ASTN1: variants seen among roughly 807,000 people sequenced by gnomAD.
ASTN1 encodes the protein astrotactin-1.
ASTN1 carries 41 observed loss-of-function variants against 140.7 expected under a neutral mutation model. The ratio of observed to expected loss-of-function variants is 0.29; its 90% CI spans 0.23 to 0.38. ASTN1 has a LOEUF of 0.38. ASTN1 is among the 10% of genes least tolerant of loss of function. The probability of loss-of-function intolerance (pLI) is 1.00; values close to 1 mark genes in which losing one functional copy is unlikely to be tolerated. For missense variants in ASTN1, 1,479 were observed against 1,678.8 expected, an observed-to-expected ratio of 0.88 and a Z score of 2.08; for synonymous variants, 640 against 652.2, an observed-to-expected ratio of 0.98 and a Z score of 0.29.
intron 1 of ASTN1, among the ~76,000 whole-genome samples, chr1:177,094,102 C>T (rs1032505133): frequency 2.0e-5 from 3 of 152,164 alleles, no homozygotes; most frequent in African/African-American, 7.2e-5. Flanking sequence ...CAAATGATCA[C>T]CATTGTCATT....
intron 7 of ASTN1, among the ~76,000 whole-genome samples, chr1:177,016,337 C>T (rs1201650412): frequency 6.8e-6 from 1 of 146,488 alleles, no homozygotes; most frequent in Non-Finnish European, 1.5e-5. Context: ...AAAAAGCCCA[C>T]AGGGAGTATT....
At chr1:177,046,186 G>GCAC (rs1446228051) in intron 2 of ASTN1, among the ~76,000 whole-genome samples, 16 of 152,214 alleles carry the variant, frequency 1.1e-4, no homozygotes, top group African/African-American at 3.6e-4. Context: ...CACACTGAAG[G>GCAC]CTCAGTGTTC....
At chr1:177,141,646 A>C (rs916781953) in intron 1 of ASTN1, among the ~76,000 whole-genome samples, 70 of 152,298 alleles carry the variant, frequency 4.6e-4, no homozygotes, top group African/African-American at 1.6e-3. Flanking sequence ...GTTTAAAAGA[A>C]TGTTAAGCAA....
chr1:176,946,259 T>A, intron 12 of ASTN1, 139 bp from the exon 13 acceptor site: 1 of 867,346 alleles, frequency 1.2e-6, no homozygotes, highest in African/African-American at 1.7e-5. Context: ...TATATTCCAA[T>A]TTGATTTTGA....
intron 1 of ASTN1, among the ~76,000 whole-genome samples, chr1:177,113,516 C>T (rs982126060): frequency 6.6e-6 from 1 of 152,224 alleles, no homozygotes; most frequent in Non-Finnish European, 1.5e-5. Flanking sequence ...TCCACTACCA[C>T]CTTGTTTCCT....
intron 1 of ASTN1, among the ~76,000 whole-genome samples, chr1:177,081,589 G>A (rs79239137): frequency 0.049 from 7,396 of 152,210 alleles, 249 homozygotes; most frequent in South Asian, 0.13. Context: ...GCAGGGTGTG[G>A]GTGGCAAGGG....
At chr1:177,163,595 AAAGG>A (rs1463826880) in intron 1 of ASTN1, among the ~76,000 whole-genome samples, 1 of 152,202 alleles carries the variant, frequency 6.6e-6, no homozygotes, top group African/African-American at 2.4e-5. Flanking sequence ...GTAAACAAAC[AAAGG>A]AAGGAAGAGC....
At chr1:176,896,292 A>G (rs1669502450) in intron 16 of ASTN1, among the ~76,000 whole-genome samples, 1 of 152,200 alleles carries the variant, frequency 6.6e-6, no homozygotes, top group African/African-American at 2.4e-5. Flanking sequence ...TTAATAATCG[A>G]CCCAGAGCCA....
At chr1:177,066,758 A>G (rs1009908562) in intron 1 of ASTN1, among the ~76,000 whole-genome samples, 2 of 152,168 alleles carry the variant, frequency 1.3e-5, no homozygotes, top group Admixed American at 1.3e-4. Context: ...TTTAACCTGG[A>G]AAATTGTCAA....
intron 14 of ASTN1, among the ~76,000 whole-genome samples, chr1:176,938,983 G>T (rs1671568929): frequency 6.6e-6 from 1 of 151,910 alleles, no homozygotes; most frequent in Admixed American, 6.6e-5. Context: ...AAACAGCTGG[G>T]TGCCTGTAGT....
At chr1:177,125,192 TAG>T (rs1334792195) in intron 1 of ASTN1, among the ~76,000 whole-genome samples, 3 of 152,168 alleles carry the variant, frequency 2.0e-5, no homozygotes, top group Admixed American at 1.3e-4. Context: ...ATGAAGTAGT[TAG>T]AGATTTTACG....
chr1:177,083,899 CG>C (rs758182627), intron 1 of ASTN1, among the ~76,000 whole-genome samples: 4 of 152,302 alleles, frequency 2.6e-5, no homozygotes, highest in African/African-American at 4.8e-5. Flanking sequence ...TAGGGATAGA[CG>C]TTCTACATCC....
chr1:176,907,382 GAAAC>G (rs1670049012), intron 16 of ASTN1, among the ~76,000 whole-genome samples: 1 of 152,130 alleles, frequency 6.6e-6, no homozygotes, highest in Non-Finnish European at 1.5e-5. Context: ...TTGGTAAAAA[GAAAC>G]AACTCCATTG....
chr1:176,966,922 T>C (rs1331364333), intron 8 of ASTN1, among the ~76,000 whole-genome samples: 3 of 152,232 alleles, frequency 2.0e-5, no homozygotes, highest in Admixed American at 1.3e-4. Flanking sequence ...ATACAGGTTT[T>C]ATTATTTATA....
At position 176,977,847 on chromosome 1, in the gene ASTN1, T is replaced by C. The variant is rs760693; in HGVS notation, c.1524-12610A>G. On this transcript the variant is annotated intron_variant, in intron 8 of 22. Transcript: ENST00000361833. ...GGCAAAGACGTCTGTGAGTTATCAG[T>C]ACCCACTCCTGCAGAAGAACTAAGG... Among the ~76,000 whole-genome samples the C allele has an allele frequency of 8.3e-3, 1,267 of 152,302 alleles. 13 individuals carry two copies. Among genetic ancestry groups the C allele is most frequent in the African/African-American group, 0.028 (1,179 of 41,566 alleles).
intron 8 of ASTN1, among the ~76,000 whole-genome samples, chr1:177,011,827 CA>C (rs199813079): frequency 2.7e-5 from 4 of 149,074 alleles, no homozygotes; most frequent in Admixed American, 6.7e-5. Flanking sequence ...TCCTCCACCT[CA>C]AAAAAAAAAT....
chr1:177,041,070 G>A (rs1410031778), intron 2 of ASTN1, among the ~76,000 whole-genome samples: 2 of 152,130 alleles, frequency 1.3e-5, no homozygotes, highest in East Asian at 3.9e-4. Flanking sequence ...TTGCCTTAAC[G>A]AGAATGTTAA....
Position 176,957,752 on chromosome 1 carries a change from T to C in ASTN1, c.1813A>G (p.Ser605Gly). The change falls in exon 11 of 23, where the codon AGC becomes GGC. Residue 605 changes from serine to glycine, a missense_variant. Ser to Gly is a moderately conservative substitution (Grantham distance 56). Transcript: ENST00000361833. ...TTACTGCAGCCCCCGTTATCTTTGCTGCAGTCGCGCACCGGCCCAAAGGAA... is the reference window on the plus strand; with the variant it reads ...TTACTGCAGCCCCCGTTATCTTTGCCGCAGTCGCGCACCGGCCCAAAGGAA... ...LDSFGPVRDC[S>G]KDNGGCSKNF... 6.2e-7 allele frequency: 1 copy of C among 1,614,108 alleles called. No homozygotes were observed. Among genetic ancestry groups the C allele is most frequent in the Non-Finnish European group, 8.5e-7 (1 of 1,180,000 alleles).
chr1:176,868,941 C>T lies in ASTN1; in HGVS notation c.3550G>A (p.Gly1184Ser). Residue 1184 changes from glycine to serine, a missense_variant, in exon 22 of 23, where the codon GGT (glycine) becomes AGT (serine). Physicochemically the swap from Gly to Ser is moderately conservative, Grantham distance 56 (BLOSUM62 0). Coordinates refer to ENST00000361833, the MANE Select transcript of ASTN1 (RefSeq NM_004319.3). The stretch of plus-strand genomic sequence containing the variant: ...AGGACCCGGTGTAAGGTGGGGGAAC[C>T]CAGATCCAGGAGGGTGTTGTAGGCG... ...QTAYNTLLDL[G>S]SPTLHRVLYH... 1 of 1,612,922 alleles carries T rather than the reference C, an allele frequency of 6.2e-7. No individual in the cohort carries two copies. The highest frequency in any genetic ancestry group is 8.5e-7 in the Non-Finnish European group (1 of 1,179,238).
Sources: gnomAD v4.1 joint callset for allele counts (sites outside exome capture counted in the v4.1 genomes callset) on GRCh38, gnomAD v4.1.1 for gene constraint, MANE v1.5 for transcripts, NCBI Gene and HGNC (gene_info 2026-07-23, HGNC 2026-07-21) for gene names.